The following ZNF440 variants were observed in gnomAD, a reference collection of about 807,000 sequenced individuals.
The protein encoded by ZNF440 is zinc finger protein 440.
ZNF440 carries 47 observed loss-of-function variants against 49.7 expected under a neutral mutation model. That is an observed-to-expected ratio of 0.95 (90% CI 0.75 to 1.21). ZNF440 has a LOEUF of 1.21. Among genes scored for constraint, ZNF440 ranks in the 50% most tolerant of loss-of-function variants. The pLI, the probability that ZNF440 is intolerant of heterozygous loss-of-function variation, is 0.00. For synonymous variants in ZNF440, 255 were observed against 237.7 expected (o/e 1.07, Z -0.67); for missense variants, 703 against 715.0 (o/e 0.98, Z 0.19).
intron 1 of ZNF440, among the ~76,000 whole-genome samples, chr19:11,822,284 A>G (rs998407645): frequency 2.0e-5 from 3 of 152,238 alleles, no homozygotes; most frequent in Non-Finnish European, 4.4e-5. Context: ...GTGGAGAACT[A>G]GAAACTCTGT....
chr19:11,832,564 G>A lies in ZNF440; in HGVS notation c.1388G>A (p.Cys463Tyr), dbSNP rs1348060179. 4.3e-6 allele frequency: 7 copies of A among 1,614,042 alleles called. No homozygotes were observed. The South Asian group carries it at 4.4e-5, about 10-fold the overall frequency. Residue 463 changes from cysteine to tyrosine, a missense_variant, in exon 4 of 4, where the codon TGT becomes TAT. Cys to Tyr is a radical substitution (Grantham distance 194, BLOSUM62 -2). Coordinates refer to ENST00000304060, the MANE Select transcript of ZNF440 (RefSeq NM_152357.3). Reference protein sequence around the residue: ...SGERRYKCKICGKGFYCPKSF... With the variant: ...SGERRYKCKIYGKGFYCPKSF... ...GAAAGACGTTATAAATGTAAGATAT[G>A]TGGGAAAGGCTTTTATTGTCCCAAA...
At chr19:11,829,909 A>G (rs1429987313) in intron 1 of ZNF440, 1 of 181,852 alleles carries the variant, frequency 5.5e-6, no homozygotes, top group Admixed American at 5.9e-5. Context: ...TGAGGCAGGC[A>G]GATCACCTGA....
chr19:11,827,959 A>T (rs1483660199), intron 1 of ZNF440, among the ~76,000 whole-genome samples: 2 of 152,004 alleles, frequency 1.3e-5, no homozygotes, highest in Admixed American at 1.3e-4. Context: ...ATCTTCTCTT[A>T]TATATTTAGT....
chr19:11,818,576 A>G (rs981114525), intron 1 of ZNF440, among the ~76,000 whole-genome samples: 3 of 151,884 alleles, frequency 2.0e-5, no homozygotes, highest in African/African-American at 7.3e-5. Context: ...ATTATAGACA[A>G]TATCTTGCTC....
intron 1 of ZNF440, among the ~76,000 whole-genome samples, chr19:11,829,113 C>G (rs1171204391): frequency 6.6e-6 from 1 of 152,042 alleles, no homozygotes; most frequent in Non-Finnish European, 1.5e-5. Context: ...TCAGGAAGGT[C>G]GTATAGTGGT....
intron 1 of ZNF440, among the ~76,000 whole-genome samples, chr19:11,824,136 T>C (rs544627892): frequency 1.4e-5 from 2 of 146,902 alleles, no homozygotes; most frequent in African/African-American, 5.1e-5. Context: ...TGAGCTATGA[T>C]TGCAACACTA....
At chr19:11,817,875 A>G (rs1305520878) in intron 1 of ZNF440, among the ~76,000 whole-genome samples, 1 of 152,146 alleles carries the variant, frequency 6.6e-6, no homozygotes, top group Non-Finnish European at 1.5e-5. Context: ...AAAGAAAACT[A>G]TCCTTTACAT....
rs1975926837 is a variant in ZNF440 at position 11,830,727 on chromosome 19, A to C, written c.191+50A>C. 1.9e-6 allele frequency: 3 copies of C among 1,551,272 alleles called. No homozygotes were observed. In the African/African-American group the frequency reaches 4.1e-5, roughly 21 times the overall value. On this transcript the variant is annotated intron_variant, in intron 3 of 3. Transcript: ENST00000304060. ...CAGTGTCTCTCTAGACAATCTTAGA[A>C]TATGACAATATATTAAAAATAAGTA...
rs775979085 is a variant in ZNF440 at position 11,831,363 on chromosome 19, G to T, written c.192-5G>T. On this transcript the variant is annotated splice_polypyrimidine_tract_variant and splice_region_variant and intron_variant, in intron 3 of 3. Coordinates refer to ENST00000304060, the MANE Select transcript of ZNF440 (RefSeq NM_152357.3). ...CCTTCATAATATGCTTCTCATTTTT[G>T]ACAGGAGTCTCATAGAAGAAAAAGT... 2 of 1,598,010 alleles carry T rather than the reference G, an allele frequency of 1.3e-6. No homozygotes were observed. Among genetic ancestry groups the T allele is most frequent in the South Asian group, 2.3e-5 (2 of 87,822 alleles).
At chr19:11,825,894 C>T (rs1318864035) in intron 1 of ZNF440, among the ~76,000 whole-genome samples, 1 of 150,698 alleles carries the variant, frequency 6.6e-6, no homozygotes, top group Non-Finnish European at 1.5e-5. Context: ...TGGCTCACTG[C>T]ACCCTCCACC....
In ZNF440 at chr19:11,831,842, C is replaced by G; in HGVS notation, c.666C>G (p.His222Gln). 2 of 1,614,122 alleles carry G rather than the reference C, an allele frequency of 1.2e-6. No individual in the cohort carries two copies. The highest frequency in any genetic ancestry group is 1.7e-6 in the Non-Finnish European group (2 of 1,180,002). The change falls in exon 4 of 4, where the codon CAC (histidine) becomes CAG (glutamine). Residue 222 changes from histidine (H) to glutamine (Q), a missense_variant. By Grantham distance (24) the His-to-Gln change is conservative. Transcript: ENST00000304060. ...LRLYLIHERI[H>Q]TGEKPCECKQ... ...TATATCTTATCCATGAAAGAATTCA[C>G]ACTGGAGAGAAACCATGTGAATGTA...
chr19:11,824,950 G>A (rs916490167), intron 1 of ZNF440, among the ~76,000 whole-genome samples: 6 of 151,342 alleles, frequency 4.0e-5, no homozygotes, highest in Non-Finnish European at 5.9e-5. Context: ...CTTGTGATTC[G>A]CCCACCTCAG....
chr19:11,822,020 T>G (rs1975805988), intron 1 of ZNF440, among the ~76,000 whole-genome samples: 2 of 152,198 alleles, frequency 1.3e-5, no homozygotes, highest in Admixed American at 1.3e-4. Flanking sequence ...GCCAAAGCGT[T>G]TCTTGGGGTC....
At chr19:11,818,960 A>G (rs1289601527) in intron 1 of ZNF440, among the ~76,000 whole-genome samples, 2 of 152,170 alleles carry the variant, frequency 1.3e-5, no homozygotes, top group Non-Finnish European at 2.9e-5. Context: ...TGTGATAGCC[A>G]TGAAGTCTTT....
At chr19:11,819,714 A>G (rs1009119959) in intron 1 of ZNF440, among the ~76,000 whole-genome samples, 5 of 152,190 alleles carry the variant, frequency 3.3e-5, no homozygotes, top group African/African-American at 4.8e-5. Flanking sequence ...TTACTTGTTC[A>G]CACAGCCTAT....
In ZNF440 at chr19:11,814,567, C is replaced by T. The variant is rs377438117; in HGVS notation, c.3+117C>T. 33 of 1,217,284 alleles carry T rather than the reference C, an allele frequency of 2.7e-5. 1 individual carries two copies. The African/African-American group carries it at 3.0e-4, about 11-fold the overall frequency. 75.4% of individuals were successfully genotyped at this position (1,217,284 alleles called of 1,614,324 possible). ...GACTCCGGGGTCGTGGACGCGAGTC[C>T]CCTCGGTCGCAGGGTGGGGCTGGGC... is the stretch of plus-strand genomic sequence containing the variant. On this transcript the variant is annotated intron_variant, in intron 1 of 3. Coordinates refer to ENST00000304060, the MANE Select transcript of ZNF440 (RefSeq NM_152357.3).
chr19:11,826,378 G>A lies in ZNF440; in HGVS notation c.4-3905G>A, dbSNP rs1975866357. ...CTAGTTTTTGGCAGTTATGAGTAAG[G>A]CTGCTAAAAACGTTTGTGGGAGGAC... On this transcript the variant is annotated intron_variant, in intron 1 of 3. Coordinates refer to ENST00000304060, the MANE Select transcript of ZNF440 (RefSeq NM_152357.3). Among the ~76,000 whole-genome samples the A allele has an allele frequency of 3.3e-5, 5 of 152,158 alleles. No homozygotes were observed. The South Asian group carries it at 8.3e-4, about 25-fold the overall frequency.
chr19:11,829,351 G>T (rs1447679611), intron 1 of ZNF440, among the ~76,000 whole-genome samples: 4 of 150,640 alleles, frequency 2.7e-5, no homozygotes, highest in Non-Finnish European at 4.4e-5. Flanking sequence ...TAGCATGCCT[G>T]ATTTGGGTGG....
At chr19:11,817,674 T>A (rs1287418281) in intron 1 of ZNF440, 1 of 137,308 alleles carries the variant, frequency 7.3e-6, no homozygotes, top group Non-Finnish European at 1.6e-5. Flanking sequence ...CTGTCTCTAT[T>A]TAAAAAAAAA....
Sources: allele counts gnomAD v4.1 joint callset (sites outside exome capture counted in the v4.1 genomes callset), GRCh38; gene constraint gnomAD v4.1.1; transcripts MANE v1.5; gene names NCBI Gene and HGNC (gene_info 2026-07-23, HGNC 2026-07-21).